Variants in NRXN1 observed in about 807,000 individuals in gnomAD.
The protein encoded by NRXN1 is neurexin-1.
A neutral mutation model predicts 150.9 loss-of-function variants in NRXN1; 39 were observed. The ratio of observed to expected loss-of-function variants is 0.26; its 90% CI spans 0.20 to 0.34. The LOEUF (loss-of-function observed/expected upper bound fraction) is 0.34. Ranked by LOEUF, NRXN1 falls within the 10% of genes least tolerant of loss-of-function variation. The pLI, the probability that NRXN1 is intolerant of heterozygous loss-of-function variation, is 1.00. For synonymous variants in NRXN1, 924 were observed against 757.0 expected (o/e 1.22, Z -3.62); for missense variants, 1,815 against 1,949.9 (o/e 0.93, Z 1.30).
chr2:49,966,181 C>T (rs1424989281), intron 21 of NRXN1, among the ~76,000 whole-genome samples: 1 of 152,146 alleles, frequency 6.6e-6, no homozygotes, highest in Non-Finnish European at 1.5e-5. Flanking sequence ...TATAGGCCCC[C>T]ATACCTTCGT....
At chr2:50,954,572 T>C (rs1278425116) in intron 2 of NRXN1, among the ~76,000 whole-genome samples, 1 of 152,068 alleles carries the variant, frequency 6.6e-6, no homozygotes, top group Non-Finnish European at 1.5e-5. Context: ...GAAAGAAACC[T>C]GAATGGGTAG....
intron 21 of NRXN1, among the ~76,000 whole-genome samples, chr2:49,949,143 G>T (rs1241232877): frequency 6.6e-6 from 1 of 151,944 alleles, no homozygotes; most frequent in Non-Finnish European, 1.5e-5. Flanking sequence ...AATATGTCAG[G>T]ACGGGGGCAA....
At chr2:51,005,495 G>A (rs949666943) in intron 2 of NRXN1, among the ~76,000 whole-genome samples, 3 of 151,886 alleles carry the variant, frequency 2.0e-5, no homozygotes, top group African/African-American at 7.2e-5. Flanking sequence ...TAACAGATAA[G>A]CAAGAAATAA....
At chr2:49,968,427 G>C (rs1677335768) in intron 21 of NRXN1, among the ~76,000 whole-genome samples, 1 of 151,984 alleles carries the variant, frequency 6.6e-6, no homozygotes, top group South Asian at 2.1e-4. Context: ...GCATGAAACC[G>C]GCTTTTAAGA....
rs1247019206 is a variant in NRXN1 at position 50,334,071 on chromosome 2, T to C, written c.3365-97101A>G. 2.0e-5 allele frequency among the ~76,000 whole-genome samples: 3 copies of C among 151,744 alleles called. No homozygotes were observed. In the East Asian group the frequency reaches 5.9e-4, roughly 30 times the overall value. The stretch of plus-strand genomic sequence containing the variant: ...CCTGTGTGTGTGTGTCTGGCCCTCA[T>C]TCAAGGATATGCTCCTCTCTGGCAA... On this transcript the variant is annotated intron_variant, in intron 17 of 22. Coordinates refer to ENST00000401669, the MANE Select transcript of NRXN1 (RefSeq NM_001330078.2).
At chr2:49,943,585 A>G in intron 22 of NRXN1, 119 bp downstream of exon 22, 3 of 717,984 alleles carry the variant, frequency 4.2e-6, no homozygotes, top group East Asian at 2.7e-5. Context: ...TCATCTCACA[A>G]TCAACGATGG....
intron 17 of NRXN1, among the ~76,000 whole-genome samples, chr2:50,240,307 C>T (rs2065894601): frequency 1.3e-5 from 2 of 151,736 alleles, no homozygotes; most frequent in African/African-American, 2.4e-5. Context: ...AGTTTTTCTT[C>T]TGTATGCACA....
At chr2:50,569,313 G>A (rs1438076899) in intron 8 of NRXN1, among the ~76,000 whole-genome samples, 2 of 151,966 alleles carry the variant, frequency 1.3e-5, no homozygotes, top group African/African-American at 2.4e-5. Flanking sequence ...CTGTAACACA[G>A]GAAAGGATAA....
chr2:50,978,306 A>ATATATATATATATATAT (rs1553450038), intron 2 of NRXN1, among the ~76,000 whole-genome samples: 1 of 117,750 alleles, frequency 8.5e-6, no homozygotes. Flanking sequence ...ATATATATAT[A>ATATATATATATATATAT]AAATATATAT....
chr2:50,712,905 A>ATT (rs1695366553), intron 5 of NRXN1, among the ~76,000 whole-genome samples: 1 of 152,132 alleles, frequency 6.6e-6, no homozygotes, highest in African/African-American at 2.4e-5. Context: ...CTGCTCCCCA[A>ATT]TTATTCAAAT....
chr2:50,734,542 A>G (rs1698482405), intron 5 of NRXN1, among the ~76,000 whole-genome samples: 1 of 152,152 alleles, frequency 6.6e-6, no homozygotes, highest in Non-Finnish European at 1.5e-5. Context: ...ATTCTAATGA[A>G]CCATCAAATA....
At chr2:50,233,690 C>CT (rs1461400768) in intron 18 of NRXN1, among the ~76,000 whole-genome samples, 1 of 152,016 alleles carries the variant, frequency 6.6e-6, no homozygotes, top group Non-Finnish European at 1.5e-5. Context: ...ATGAATAAGT[C>CT]TAACTTTTAC....
rs929923332 is a variant in NRXN1, at chr2:49,921,344, C to G, written c.*600G>C. 1 of 152,326 alleles carries G rather than the reference C, an allele frequency of 6.6e-6. No homozygotes were observed. The highest frequency in any genetic ancestry group is 1.5e-5 in the Non-Finnish European group (1 of 67,978). The allele number at this position is 152,326 out of a possible 1,614,324, so 9.4% of individuals were successfully genotyped here. A position where few individuals can be genotyped will look rare whatever the true frequency, so the allele number is the denominator to read the frequency against. ...AGGCCTCCATACTTTTTTTTCCTCT[C>G]TCACAACCAGAAAGGGGCTTTTTGA... On this transcript the variant is annotated 3_prime_UTR_variant, in exon 23 of 23. Transcript: ENST00000401669.
At chr2:50,315,181 CCCT>C (rs1358137917) in intron 17 of NRXN1, among the ~76,000 whole-genome samples, 1 of 151,686 alleles carries the variant, frequency 6.6e-6, no homozygotes, top group Non-Finnish European at 1.5e-5. Flanking sequence ...TTTTTTTTCC[CCCT>C]GTTTTAGTAT....
chr2:50,956,789 A>C (rs1184158767), intron 2 of NRXN1, among the ~76,000 whole-genome samples: 1 of 152,078 alleles, frequency 6.6e-6, no homozygotes, highest in East Asian at 1.9e-4. Flanking sequence ...TATAGAGCTT[A>C]ATCATTATTT....
At chr2:50,387,951 A>G (rs1047976856) in intron 17 of NRXN1, among the ~76,000 whole-genome samples, 1 of 152,180 alleles carries the variant, frequency 6.6e-6, no homozygotes, top group Admixed American at 6.5e-5. Flanking sequence ...TGAAAAAGTA[A>G]AACTGAAAGA....
At chr2:50,806,733 G>GTC (rs201753044) in intron 5 of NRXN1, among the ~76,000 whole-genome samples, 5 of 150,768 alleles carry the variant, frequency 3.3e-5, no homozygotes, top group South Asian at 2.1e-4. Context: ...TTTCCACTCT[G>GTC]TCTCTCTCTC....
intron 18 of NRXN1, among the ~76,000 whole-genome samples, chr2:50,109,696 G>C (rs1026369046): frequency 1.3e-5 from 2 of 152,092 alleles, no homozygotes; most frequent in African/African-American, 4.8e-5. Context: ...AGAGACTGGT[G>C]AATACCCTAT....
intron 9 of NRXN1, among the ~76,000 whole-genome samples, chr2:50,550,439 A>G (rs917630437): frequency 6.6e-6 from 1 of 152,034 alleles, no homozygotes; most frequent in Non-Finnish European, 1.5e-5. Flanking sequence ...AATTTTCAAA[A>G]TTTTATTCTA....
Sources: gnomAD v4.1 joint callset for allele counts (sites outside exome capture counted in the v4.1 genomes callset) on GRCh38, gnomAD v4.1.1 for gene constraint, MANE v1.5 for transcripts, NCBI Gene and HGNC (gene_info 2026-07-23, HGNC 2026-07-21) for gene names.